Variants in CHMP6 observed in about 807,000 individuals in gnomAD.
The protein encoded by CHMP6 is charged multivesicular body protein 6.
A neutral mutation model predicts 32.8 loss-of-function variants in CHMP6; 10 were observed. The observed-to-expected ratio is 0.30, with a 90% confidence interval of 0.19 to 0.52. CHMP6 has a LOEUF of 0.52. Among genes scored for constraint, CHMP6 ranks in the 20% least tolerant of loss-of-function variants. CHMP6 has a pLI of 0.97. For synonymous variants in CHMP6, 123 were observed against 105.8 expected (o/e 1.16, Z -1.00); for missense variants, 269 against 263.8 (o/e 1.02, Z -0.14).
In CHMP6 at chr17:80,997,316, T is replaced by C; in HGVS notation, c.470T>C (p.Leu157Pro). 7.2e-7 allele frequency: 1 copy of C among 1,395,534 alleles called. No individual in the cohort carries two copies. The highest frequency in any genetic ancestry group is 9.6e-7 in the Non-Finnish European group (1 of 1,047,006). 86.4% of individuals were successfully genotyped at this position (1,395,534 alleles called of 1,614,324 possible). The change falls in exon 6 of 8, where the codon CTG becomes CCG. Residue 157 changes from leucine to proline, a missense_variant. Leu to Pro is a moderately conservative substitution (Grantham distance 98). Transcript: ENST00000325167. ...SFTQEDEDAI[L>P]EELSAITQEQ... ...ACTCAGGAGGATGAAGACGCCATCC[T>C]GGAGGAGCTGAGCGCAATCACTCAG...
chr17:80,996,275 C>T (rs139874797), intron 4 of CHMP6, among the ~76,000 whole-genome samples: 7 of 151,678 alleles, frequency 4.6e-5, no homozygotes, highest in South Asian at 2.1e-4. Flanking sequence ...GATGAGATTG[C>T]GCCACTGCAC....
At chr17:80,992,490 C>T (rs969838554) in intron 1 of CHMP6, among the ~76,000 whole-genome samples, 2 of 152,226 alleles carry the variant, frequency 1.3e-5, no homozygotes, top group African/African-American at 4.8e-5. Flanking sequence ...CATCCCCTCT[C>T]CCTCACCCCA....
intron 4 of CHMP6, among the ~76,000 whole-genome samples, chr17:80,996,764 C>G (rs1447030374): frequency 6.6e-6 from 1 of 152,218 alleles, no homozygotes; most frequent in Non-Finnish European, 1.5e-5. Flanking sequence ...GCCTGGGACA[C>G]ACATGTCCTG....
Position 80,995,695 on chromosome 17 carries a change from G to A in CHMP6, c.285G>A (p.Gln95=). The A allele has an allele frequency of 6.2e-7, 1 of 1,614,122 alleles. No homozygotes were observed. The highest frequency in any genetic ancestry group is 8.5e-7 in the Non-Finnish European group (1 of 1,179,974). ...AGGTTCAGAGTATTGAGTTCACCCA[G>A]ATCGAAATGAAAGTGATGGAGGGGC... ...EAMVQSIEFT[Q]IEMKVMEGLQ... Residue 95 remains glutamine, a synonymous_variant, in exon 4 of 8, where the codon CAG becomes CAA. Transcript: ENST00000325167.
At chr17:80,997,680 G>A (rs2069651134) in intron 6 of CHMP6, among the ~76,000 whole-genome samples, 1 of 152,104 alleles carries the variant, frequency 6.6e-6, no homozygotes, top group South Asian at 2.1e-4. Flanking sequence ...CCTCGCTGCG[G>A]GGGCCGCGTC....
intron 7 of CHMP6, 138 bp downstream of exon 7, chr17:80,998,558 C>T (rs776142210): frequency 1.7e-5 from 26 of 1,543,828 alleles, no homozygotes; most frequent in East Asian, 1.2e-4. Flanking sequence ...GGCTTGGGGG[C>T]GTGCGTGCCT....
At chr17:80,995,147 T>C in intron 3 of CHMP6, 41 bp downstream of exon 3, 1 of 1,556,460 alleles carries the variant, frequency 6.4e-7, no homozygotes, top group Non-Finnish European at 8.7e-7. Flanking sequence ...CAGGTGCAGC[T>C]GGAGGCAGCT....
At chr17:80,998,144 GA>G (rs1187597787) in intron 6 of CHMP6, among the ~76,000 whole-genome samples, 1 of 152,204 alleles carries the variant, frequency 6.6e-6, no homozygotes, top group Non-Finnish European at 1.5e-5. Context: ...GGTCTGTTGG[GA>G]GGAGCCTCCA....
chr17:80,993,253 A>G (rs1424913160), intron 1 of CHMP6, among the ~76,000 whole-genome samples: 1 of 146,952 alleles, frequency 6.8e-6, no homozygotes, highest in African/African-American at 2.6e-5. Flanking sequence ...AGCACACACT[A>G]GCACAAATGA....
At chr17:80,995,639 C>A in intron 3 of CHMP6, 33 bp from the exon 4 acceptor site, 9 of 1,603,832 alleles carry the variant, frequency 5.6e-6, no homozygotes, top group South Asian at 1.1e-5. Context: ...CCCGGATCCT[C>A]AGCACCTGCG....
At chr17:80,996,867 C>A in intron 4 of CHMP6, 140 bp from the exon 5 acceptor site, 1 of 883,088 alleles carries the variant, frequency 1.1e-6, no homozygotes. Flanking sequence ...GCCTGGGCAA[C>A]ACAGCCAGAC....
Position 80,991,886 on chromosome 17 carries a change from T to G in CHMP6, c.-33T>G. 3 of 1,400,496 alleles carry G rather than the reference T, an allele frequency of 2.1e-6. No homozygotes were observed. Among genetic ancestry groups the G allele is most frequent in the Non-Finnish European group, 1.9e-6 (2 of 1,064,928 alleles). The allele number at this position is 1,400,496 out of a possible 1,614,324, so 86.8% of individuals were successfully genotyped here. A position where few individuals can be genotyped will look rare whatever the true frequency, so the allele number is the denominator to read the frequency against. The stretch of plus-strand genomic sequence containing the variant: ...CGCGGGGCGGCGGTGGCGATTGGAC[T>G]TGGTGGGTCCCGGGCCAGGGGCGGG... On this transcript the variant is annotated 5_prime_UTR_variant, in exon 1 of 8. Transcript: ENST00000325167.
intron 7 of CHMP6, 118 bp downstream of exon 7, chr17:80,998,538 C>G: frequency 1.9e-6 from 3 of 1,582,258 alleles, no homozygotes; most frequent in Non-Finnish European, 2.6e-6. Context: ...GCCCTGCTGC[C>G]TGGCTGTTTG....
At chr17:80,998,450 T>G in intron 7 of CHMP6, 30 bp downstream of exon 7, 2 of 1,614,032 alleles carry the variant, frequency 1.2e-6, no homozygotes, top group Non-Finnish European at 1.7e-6. Context: ...TTTTGAATGG[T>G]TGGAATTCGC....
chr17:80,999,120 G>A lies in CHMP6; in HGVS notation c.573G>A (p.Arg191=). 6.2e-7 allele frequency: 1 copy of A among 1,614,114 alleles called. No homozygotes were observed. The highest frequency in any genetic ancestry group is 1.1e-5 in the South Asian group (1 of 91,088). Residue 191 remains arginine (R), a synonymous_variant, in exon 8 of 8, where the codon AGG becomes AGA. Coordinates refer to ENST00000325167, the MANE Select transcript of CHMP6 (RefSeq NM_024591.5). The part of the protein sequence containing the change: ...KIPENVPVKA[R]PRQAELVAAS ...CAGAAAACGTCCCTGTCAAGGCCAG[G>A]CCCAGGCAGGCGGAGCTGGTGGCAG...
At position 80,994,983 on chromosome 17, in the gene CHMP6, G is replaced by A. The variant is rs2069624638; in HGVS notation, c.174-36G>A. On this transcript the variant is annotated intron_variant, in intron 2 of 7. Transcript: ENST00000325167. The stretch of plus-strand genomic sequence containing the variant: ...CGGCTGGGGTGGGGGGCCCAGGCAG[G>A]GCCACAGCGGGTCACTCTCGGGCTT... 3 of 1,559,564 alleles carry A rather than the reference G, an allele frequency of 1.9e-6. No homozygotes were observed. The South Asian group carries it at 3.5e-5, about 18-fold the overall frequency.
In CHMP6 at chr17:80,991,903, A is replaced by T; in HGVS notation, c.-16A>T. Reference sequence around the variant, plus strand: ...GATTGGACTTGGTGGGTCCCGGGCCAGGGGCGGGCGCCGCCATGGGTAACC... The same window carrying T: ...GATTGGACTTGGTGGGTCCCGGGCCTGGGGCGGGCGCCGCCATGGGTAACC... On this transcript the variant is annotated 5_prime_UTR_variant, in exon 1 of 8. Transcript: ENST00000325167. 6.9e-7 allele frequency: 1 copy of T among 1,448,288 alleles called. No individual in the cohort carries two copies. The highest frequency in any genetic ancestry group is 9.1e-7 in the Non-Finnish European group (1 of 1,092,974). 89.7% of individuals were successfully genotyped at this position (1,448,288 alleles called of 1,614,324 possible). A position where few individuals can be genotyped will look rare whatever the true frequency, so the allele number is the denominator to read the frequency against.
intron 1 of CHMP6, among the ~76,000 whole-genome samples, chr17:80,993,641 G>T (rs546742983): frequency 4.6e-5 from 7 of 152,354 alleles, no homozygotes; most frequent in South Asian, 4.1e-4. Context: ...TGTCTGAAGT[G>T]ATGACGTTTG....
chr17:80,996,723 A>C (rs1227217859), intron 4 of CHMP6, among the ~76,000 whole-genome samples: 1 of 152,184 alleles, frequency 6.6e-6, no homozygotes, highest in African/African-American at 2.4e-5. Flanking sequence ...AGACTCATCA[A>C]ACGGCCCCTG....
Sources: allele counts gnomAD v4.1 joint callset (sites outside exome capture counted in the v4.1 genomes callset), GRCh38; gene constraint gnomAD v4.1.1; transcripts MANE v1.5; gene names NCBI Gene and HGNC (gene_info 2026-07-23, HGNC 2026-07-21).